Variants in GPHN observed in about 807,000 individuals in gnomAD.
GPHN encodes the protein gephyrin.
A neutral mutation model predicts 95.5 loss-of-function variants in GPHN; 17 were observed. The observed-to-expected ratio is 0.18, with a 90% CI of 0.12 to 0.27. GPHN has a LOEUF of 0.27. Among genes scored for constraint, GPHN ranks in the 10% least tolerant of loss-of-function variants. GPHN has a pLI of 1.00. For synonymous variants in GPHN, 320 were observed against 322.5 expected (o/e 0.99, Z 0.08); for missense variants, 660 against 978.1 (o/e 0.67, Z 4.34).
chr14:66,909,773 TA>T (rs576946717), intron 5 of GPHN, among the ~76,000 whole-genome samples: 11 of 147,940 alleles, frequency 7.4e-5, no homozygotes, highest in East Asian at 2.0e-4. Flanking sequence ...TTGTACAAAG[TA>T]AAAAAAAAAT....
intron 2 of GPHN, among the ~76,000 whole-genome samples, chr14:66,719,438 A>G (rs1352886518): frequency 1.3e-5 from 2 of 152,180 alleles, no homozygotes; most frequent in Non-Finnish European, 2.9e-5. Flanking sequence ...TCGGGGGCTG[A>G]GAATCTCCCT....
intron 5 of GPHN, among the ~76,000 whole-genome samples, chr14:66,880,928 G>A (rs1005889361): frequency 6.6e-6 from 1 of 151,872 alleles, no homozygotes. Flanking sequence ...TTTAATGAAC[G>A]TTAATTAATA....
intron 8 of GPHN, among the ~76,000 whole-genome samples, chr14:66,936,790 A>G (rs941293505): frequency 1.3e-5 from 2 of 152,262 alleles, no homozygotes; most frequent in African/African-American, 4.8e-5. Flanking sequence ...GAATGAATTT[A>G]TAAATAGAAA....
chr14:66,565,044 A>G (rs56184700), intron 1 of GPHN, among the ~76,000 whole-genome samples: 9,468 of 152,206 alleles, frequency 0.062, 374 homozygotes, highest in Middle Eastern at 0.099. Flanking sequence ...CCACCAAGCT[A>G]TGATACTGAT....
chr14:67,593,646 G>A, the GPHN span: 2 of 685,992 alleles, frequency 2.9e-6, no homozygotes, highest in South Asian at 3.5e-5. Flanking sequence ...TTAAATATAA[G>A]TCTCACTTTT....
At chr14:66,747,000 A>G (rs1362377978) in intron 2 of GPHN, among the ~76,000 whole-genome samples, 2 of 151,782 alleles carry the variant, frequency 1.3e-5, no homozygotes, top group Non-Finnish European at 2.9e-5. Context: ...GATTTCTCCT[A>G]CTCTTTCTCT....
intron 1 of GPHN, among the ~76,000 whole-genome samples, chr14:66,603,312 GTTT>G (rs954538157): frequency 6.6e-6 from 1 of 151,666 alleles, no homozygotes; most frequent in African/African-American, 2.4e-5. Flanking sequence ...CATTTTCAGG[GTTT>G]TTTTGTGTGT....
chr14:67,212,634 A>ATTATG, the GPHN span, among the ~76,000 whole-genome samples: 92 of 145,640 alleles, frequency 6.3e-4, no homozygotes, highest in African/African-American at 2.1e-3. Flanking sequence ...ATTATATATA[A>ATTATG]TATATATTAC....
At chr14:66,566,683 GT>G (rs2060474242) in intron 1 of GPHN, among the ~76,000 whole-genome samples, 1 of 152,086 alleles carries the variant, frequency 6.6e-6, no homozygotes, top group Non-Finnish European at 1.5e-5. Flanking sequence ...TTGTTGGTTT[GT>G]TTTCTGAACT....
At chr14:67,008,190 C>G (rs2072733768) in intron 9 of GPHN, among the ~76,000 whole-genome samples, 1 of 152,154 alleles carries the variant, frequency 6.6e-6, no homozygotes, top group Non-Finnish European at 1.5e-5. Context: ...CGTGGTGGCT[C>G]ATGCCTGTAA....
At chr14:66,596,876 GCACAGCCCCAGC>G (rs891113792) in intron 1 of GPHN, among the ~76,000 whole-genome samples, 4 of 152,174 alleles carry the variant, frequency 2.6e-5, no homozygotes, top group African/African-American at 9.7e-5. Context: ...TCCGTGGAGT[GCACAGCCCCAGC>G]TGTGCCTCCC....
intron 10 of GPHN, among the ~76,000 whole-genome samples, chr14:67,032,968 A>G (rs1029494137): frequency 2.0e-5 from 3 of 152,248 alleles, no homozygotes; most frequent in Admixed American, 2.0e-4. Flanking sequence ...ATAATTCAAA[A>G]TAATTACCTT....
At chr14:67,223,810 T>C in the GPHN span, 3 of 985,676 alleles carry the variant, frequency 3.0e-6, no homozygotes, top group South Asian at 4.7e-5. Context: ...ATTTTCACTC[T>C]CCTCTAAATC....
At chr14:66,870,474 T>G (rs1302243884) in intron 4 of GPHN, among the ~76,000 whole-genome samples, 1 of 152,202 alleles carries the variant, frequency 6.6e-6, no homozygotes, top group Non-Finnish European at 1.5e-5. Context: ...CCCTAACTAC[T>G]GTATTTTCGA....
chr14:67,101,023 A>C, intron 13 of GPHN, 112 bp downstream of exon 13: 1 of 723,164 alleles, frequency 1.4e-6, no homozygotes, highest in Non-Finnish European at 2.6e-6. Context: ...GATTAGTCAG[A>C]AGATTATCAA....
chr14:66,793,063 TC>T (rs2060030713), intron 3 of GPHN, among the ~76,000 whole-genome samples: 1 of 152,252 alleles, frequency 6.6e-6, no homozygotes, highest in African/African-American at 2.4e-5. Flanking sequence ...TTGCCCTCAT[TC>T]CCGTAAACCC....
At chr14:67,491,117 A>G in the GPHN span, among the ~76,000 whole-genome samples, 4 of 152,212 alleles carry the variant, frequency 2.6e-5, no homozygotes, top group African/African-American at 7.2e-5. Context: ...CAGGGTTCCC[A>G]TGACCGCCTC....
the GPHN span, among the ~76,000 whole-genome samples, chr14:67,732,951 A>G: frequency 6.6e-6 from 1 of 152,100 alleles, no homozygotes; most frequent in African/African-American, 2.4e-5. Context: ...TAATTAGAAA[A>G]AAGGAACATT....
the GPHN span, chr14:67,338,566 G>A: frequency 5.1e-6 from 8 of 1,572,656 alleles, no homozygotes; most frequent in Non-Finnish European, 6.9e-6. Context: ...CCTACACACT[G>A]TGAATTAAAA....
Sources: allele counts gnomAD v4.1 joint callset (sites outside exome capture counted in the v4.1 genomes callset), GRCh38; gene constraint gnomAD v4.1.1; transcripts MANE v1.5; gene names NCBI Gene and HGNC (gene_info 2026-07-23, HGNC 2026-07-21).